The following LRPPRC variants were observed in gnomAD, a reference collection of about 807,000 sequenced individuals.
LRPPRC encodes the protein leucine rich pentatricopeptide repeat containing.
A neutral mutation model predicts 180.3 loss-of-function variants in LRPPRC; 120 were observed. The observed-to-expected ratio is 0.67, with a 90% CI of 0.57 to 0.77. The LOEUF (loss-of-function observed/expected upper bound fraction) is 0.77. LRPPRC is among the 30% of genes least tolerant of loss of function. LRPPRC has a pLI of 0.00. For synonymous variants in LRPPRC, 723 were observed against 600.0 expected, an observed-to-expected ratio of 1.21 and a Z score of -3.00; for missense variants, 2,012 against 1,657.2, an observed-to-expected ratio of 1.21 and a Z score of -3.72.
At chr2:43,919,879 G>C (rs1671634069) in intron 27 of LRPPRC, among the ~76,000 whole-genome samples, 1 of 151,790 alleles carries the variant, frequency 6.6e-6, no homozygotes, top group South Asian at 2.1e-4. Flanking sequence ...TTGTTTTACA[G>C]CACAAATGTT....
chr2:43,899,432 CT>C (rs1558902421), intron 33 of LRPPRC, 33 bp downstream of exon 33: 1 of 1,613,562 alleles, frequency 6.2e-7, no homozygotes, highest in Non-Finnish European at 8.5e-7. Flanking sequence ...AGAAAATGTG[CT>C]TGTGTGTTCT....
At chr2:43,929,860 G>A (rs965369590) in intron 25 of LRPPRC, among the ~76,000 whole-genome samples, 1 of 152,016 alleles carries the variant, frequency 6.6e-6, no homozygotes, top group African/African-American at 2.4e-5. Context: ...ACTTGACCAG[G>A]TGTTATAGGA....
chr2:43,931,956 A>C (rs932358106), intron 25 of LRPPRC, among the ~76,000 whole-genome samples: 4 of 151,806 alleles, frequency 2.6e-5, no homozygotes, highest in African/African-American at 7.3e-5. Flanking sequence ...TAGACCTTTA[A>C]AAAGAGAATC....
At chr2:43,926,754 A>G (rs1351453343) in intron 25 of LRPPRC, among the ~76,000 whole-genome samples, 2 of 152,222 alleles carry the variant, frequency 1.3e-5, no homozygotes, top group African/African-American at 4.8e-5. Flanking sequence ...AAAATTATCA[A>G]TGTTACACAA....
chr2:43,888,936 A>G (rs1182032087), intron 37 of LRPPRC, among the ~76,000 whole-genome samples: 1 of 152,166 alleles, frequency 6.6e-6, no homozygotes, highest in Non-Finnish European at 1.5e-5. Context: ...ATGGGTATGG[A>G]AGGCTGAGGT....
At chr2:43,992,972 G>T (rs1169538755) in intron 1 of LRPPRC, among the ~76,000 whole-genome samples, 2 of 152,190 alleles carry the variant, frequency 1.3e-5, no homozygotes, top group East Asian at 3.9e-4. Context: ...AGAAAACACA[G>T]AAGGACCACG....
intron 1 of LRPPRC, among the ~76,000 whole-genome samples, chr2:43,995,308 T>C (rs1674982995): frequency 6.6e-6 from 1 of 152,192 alleles, no homozygotes; most frequent in South Asian, 2.1e-4. Context: ...AGCGTCCAGC[T>C]TTAAGTCATC....
Position 43,975,106 on chromosome 2 carries a change from A to T in LRPPRC, c.849T>A (p.Ile283=). ...TAAGTCATACCTGCTTAACATGGTC[A>T]ATGTCGCCCTTCTCAGCATATGCAT... ...LLNAYAEKGD[I]DHVKQTLEKV... The change falls in exon 7 of 38, where the codon ATT becomes ATA. Residue 283 remains isoleucine (I), a synonymous_variant. Transcript: ENST00000260665. 2 of 1,613,284 alleles carry T rather than the reference A, an allele frequency of 1.2e-6. No individual in the cohort carries two copies. The highest frequency in any genetic ancestry group is 1.7e-6 in the Non-Finnish European group (2 of 1,179,858).
intron 30 of LRPPRC, among the ~76,000 whole-genome samples, chr2:43,911,190 G>C (rs1028298854): frequency 1.2e-4 from 18 of 151,058 alleles, no homozygotes; most frequent in Non-Finnish European, 5.9e-5. Flanking sequence ...TAGGAATTGA[G>C]AAAACACACA....
chr2:43,921,247 G>A (rs909746654), intron 27 of LRPPRC, among the ~76,000 whole-genome samples: 13 of 152,074 alleles, frequency 8.5e-5, no homozygotes, highest in African/African-American at 1.9e-4. Flanking sequence ...AGCTGAGATC[G>A]GGCCACTGCA....
chr2:43,960,349 T>C (rs1673293754), intron 13 of LRPPRC, among the ~76,000 whole-genome samples, 192 bp downstream of exon 13: 1 of 152,204 alleles, frequency 6.6e-6, no homozygotes, highest in African/African-American at 2.4e-5. Flanking sequence ...TTACATATAA[T>C]ATTCAATGTC....
intron 23 of LRPPRC, among the ~76,000 whole-genome samples, chr2:43,943,430 A>C (rs1672557064): frequency 6.6e-6 from 1 of 151,972 alleles, no homozygotes; most frequent in Non-Finnish European, 1.5e-5. Context: ...AACTAGGAAA[A>C]ACTAGATTCA....
intron 11 of LRPPRC, among the ~76,000 whole-genome samples, chr2:43,970,055 A>G (rs1445861329): frequency 6.6e-6 from 1 of 152,168 alleles, no homozygotes; most frequent in Non-Finnish European, 1.5e-5. Flanking sequence ...ATAATCCTGA[A>G]AAGTTTCTCA....
rs201461634 is a variant in LRPPRC at position 43,985,423 on chromosome 2, C to G, written c.150-2989G>C. ...TTTTGACAAACATATGACATGTATC[C>G]ACCTTTACAGTATCATACAAAATAA... is the stretch of plus-strand genomic sequence containing the variant. On this transcript the variant is annotated intron_variant, in intron 1 of 37. Coordinates refer to ENST00000260665, the MANE Select transcript of LRPPRC (RefSeq NM_133259.4). Among the ~76,000 whole-genome samples the G allele has an allele frequency of 2.6e-5, 4 of 152,114 alleles. No homozygotes were observed. The East Asian group carries it at 7.7e-4, about 29-fold the overall frequency.
intron 1 of LRPPRC, among the ~76,000 whole-genome samples, chr2:43,989,153 C>T (rs985331762): frequency 1.3e-5 from 2 of 152,106 alleles, no homozygotes; most frequent in African/African-American, 4.8e-5. Context: ...GATTACTGGG[C>T]CTGGCCTAAA....
intron 23 of LRPPRC, among the ~76,000 whole-genome samples, chr2:43,942,339 T>C (rs991832045): frequency 2.0e-5 from 3 of 152,138 alleles, no homozygotes; most frequent in African/African-American, 7.2e-5. Flanking sequence ...TTTAAGCAAT[T>C]GAAAAAAATT....
chr2:43,969,164 G>A (rs945081281), intron 11 of LRPPRC, among the ~76,000 whole-genome samples: 1 of 152,170 alleles, frequency 6.6e-6, no homozygotes, highest in Non-Finnish European at 1.5e-5. Context: ...TGTAATCCCA[G>A]CACTTTGGGA....
chr2:43,958,133 C>CTTA (rs1015979046), intron 13 of LRPPRC, among the ~76,000 whole-genome samples: 5 of 152,164 alleles, frequency 3.3e-5, no homozygotes, highest in African/African-American at 1.2e-4. Context: ...AGAATCACAC[C>CTTA]TTACACTGAC....
At chr2:43,922,558 G>C (rs1232011604) in intron 27 of LRPPRC, among the ~76,000 whole-genome samples, 1 of 152,164 alleles carries the variant, frequency 6.6e-6, no homozygotes, top group Non-Finnish European at 1.5e-5. Flanking sequence ...AGGAGTTCGA[G>C]ACCATCCTGG....
Sources: allele counts gnomAD v4.1 joint callset (sites outside exome capture counted in the v4.1 genomes callset), GRCh38; gene constraint gnomAD v4.1.1; transcripts MANE v1.5; gene names NCBI Gene and HGNC (gene_info 2026-07-23, HGNC 2026-07-21).